The following PCDH11X variants were observed in gnomAD, a reference collection of about 807,000 sequenced individuals.
PCDH11X encodes protocadherin 11 X-linked.
Under a neutral mutation model 53.3 loss-of-function variants are expected in PCDH11X, and 18 were observed. The ratio of observed to expected loss-of-function variants is 0.34; its 90% CI spans 0.23 to 0.50. The LOEUF (loss-of-function observed/expected upper bound fraction) is 0.50, where lower values mean the gene tolerates loss of function less well. PCDH11X is among the 20% of genes least tolerant of loss of function. The pLI is 0.98. For synonymous variants in PCDH11X, 279 were observed against 393.3 expected, an observed-to-expected ratio of 0.71 and a Z score of 3.44; for missense variants, 570 against 1,032.4, an observed-to-expected ratio of 0.55 and a Z score of 6.14.
At chrX:92,563,903 A>G (rs1472908779) in intron 10 of PCDH11X, among the ~76,000 whole-genome samples, 1 of 111,104 alleles carries the variant, frequency 9.0e-6, no homozygotes, top group African/African-American at 3.3e-5. Context: ...AACTACTAGA[A>G]CTGATAAACA....
intron 6 of PCDH11X, among the ~76,000 whole-genome samples, chrX:92,050,423 C>T (rs1012277556): frequency 6.4e-5 from 7 of 109,754 alleles, no homozygotes; most frequent in Admixed American, 3.9e-4. Context: ...TGTTTTGATG[C>T]TGTTCATTTA....
chrX:91,990,662 G>T (rs1411611664), intron 6 of PCDH11X, among the ~76,000 whole-genome samples: 1 of 108,685 alleles, frequency 9.2e-6, no homozygotes, highest in Non-Finnish European at 1.9e-5. Context: ...CAGGGATAGC[G>T]GAAATCCCAA....
intron 10 of PCDH11X, among the ~76,000 whole-genome samples, chrX:92,588,406 ATGTT>A (rs1332666997): frequency 9.6e-6 from 1 of 104,487 alleles, no homozygotes; most frequent in Non-Finnish European, 1.9e-5. Context: ...GTACATATAT[ATGTT>A]TGTGTGTGTA....
intron 9 of PCDH11X, among the ~76,000 whole-genome samples, chrX:92,442,532 G>A (rs2072537974): frequency 8.9e-6 from 1 of 111,782 alleles, no homozygotes; most frequent in Admixed American, 9.5e-5. Context: ...CACGTAAGAT[G>A]TGATGTGCAC....
At chrX:92,403,447 A>G (rs184695401) in intron 9 of PCDH11X, among the ~76,000 whole-genome samples, 1 of 104,072 alleles carries the variant, frequency 9.6e-6, no homozygotes, top group Non-Finnish European at 1.9e-5. Flanking sequence ...CAAGTTGTAA[A>G]TATCTCGTTT....
intron 7 of PCDH11X, among the ~76,000 whole-genome samples, chrX:92,217,862 C>A (rs1459147706): frequency 9.0e-6 from 1 of 110,828 alleles, no homozygotes; most frequent in Non-Finnish European, 1.9e-5. Context: ...TCTCTCAGAC[C>A]AAAGTGCAAT....
At chrX:92,041,954 G>C (rs34083952) in intron 6 of PCDH11X, among the ~76,000 whole-genome samples, 1 of 112,260 alleles carries the variant, frequency 8.9e-6, no homozygotes, top group Non-Finnish European at 1.9e-5. Flanking sequence ...GGGTGACAGA[G>C]CGAGACTCCG....
chrX:92,183,986 T>A (rs1167321491), intron 6 of PCDH11X, among the ~76,000 whole-genome samples: 1 of 111,913 alleles, frequency 8.9e-6, no homozygotes, highest in South Asian at 3.7e-4. Context: ...GACTATTTTT[T>A]TTTTTTGTTT....
chrX:91,825,120 G>A (rs1342392573), intron 4 of PCDH11X, among the ~76,000 whole-genome samples: 1 of 110,970 alleles, frequency 9.0e-6, no homozygotes, highest in African/African-American at 3.4e-5. Context: ...GGTTACTGCT[G>A]TCTTTTTGTT....
At chrX:91,808,312 C>T (rs1293372983) in intron 1 of PCDH11X, among the ~76,000 whole-genome samples, 3 of 107,459 alleles carry the variant, frequency 2.8e-5, no homozygotes, top group African/African-American at 1.0e-4. Context: ...CTGGCCAACA[C>T]GGTGAAACCC....
At chrX:92,187,806 T>A (rs1350800937) in intron 6 of PCDH11X, among the ~76,000 whole-genome samples, 1 of 112,107 alleles carries the variant, frequency 8.9e-6, no homozygotes, top group Non-Finnish European at 1.9e-5. Flanking sequence ...TTTTATTTGC[T>A]CTAAACCTTG....
rs1268201997 is a variant in PCDH11X, at chrX:91,813,564, T to C, written c.-45+2269T>C. Among the ~76,000 whole-genome samples the C allele has an allele frequency of 2.8e-5, 3 of 106,006 alleles. No individual in the cohort carries two copies. The Admixed American group carries it at 3.0e-4, about 11-fold the overall frequency. The allele number at this position is 106,006 out of a possible 115,157, so 92.1% of individuals were successfully genotyped here. A position where few individuals can be genotyped will look rare whatever the true frequency, so the allele number is the denominator to read the frequency against. On this transcript the variant is annotated intron_variant, in intron 4 of 10. Transcript: ENST00000682573. ...GAGAAAGATATTTCTTAGAAGCAGC[T>C]AATTGAGGACCTTGAATGCTAGGCC...
chrX:92,024,590 A>G (rs1441416541), intron 6 of PCDH11X, among the ~76,000 whole-genome samples: 1 of 108,793 alleles, frequency 9.2e-6, no homozygotes, highest in Non-Finnish European at 1.9e-5. Flanking sequence ...CATACTGCCC[A>G]AAGTAATCTA....
At chrX:92,101,838 A>G (rs1236168386) in intron 6 of PCDH11X, among the ~76,000 whole-genome samples, 3 of 110,955 alleles carry the variant, frequency 2.7e-5, no homozygotes, top group Non-Finnish European at 5.7e-5. Context: ...GAGGAGTAGT[A>G]GAATAGCAGA....
chrX:92,400,115 G>A (rs1439249758), intron 9 of PCDH11X, among the ~76,000 whole-genome samples: 1 of 106,555 alleles, frequency 9.4e-6, no homozygotes. Context: ...TGTCATCTAG[G>A]TGAATATAAA....
At chrX:91,975,574 G>A (rs1257083006) in intron 6 of PCDH11X, among the ~76,000 whole-genome samples, 1 of 110,512 alleles carries the variant, frequency 9.0e-6, no homozygotes, top group Non-Finnish European at 1.9e-5. Flanking sequence ...CAAAAGGGAA[G>A]AAACCTTAGA....
chrX:92,172,110 C>A (rs1466788166), intron 6 of PCDH11X, among the ~76,000 whole-genome samples: 1 of 109,278 alleles, frequency 9.2e-6, no homozygotes, highest in East Asian at 2.9e-4. Flanking sequence ...TCTTCCTTTG[C>A]AATATGGATG....
At chrX:92,021,129 T>G in intron 6 of PCDH11X, among the ~76,000 whole-genome samples, 1 of 110,528 alleles carries the variant, frequency 9.0e-6, no homozygotes, top group Middle Eastern at 4.8e-3. Context: ...GTGTACCTCT[T>G]CTCCAAATGA....
intron 10 of PCDH11X, among the ~76,000 whole-genome samples, chrX:92,594,531 T>G (rs1238998053): frequency 9.2e-6 from 1 of 108,807 alleles, no homozygotes; most frequent in Non-Finnish European, 1.9e-5. Context: ...ATGATTGTTA[T>G]GTTATTATGT....
Sources: allele counts gnomAD v4.1 joint callset (sites outside exome capture counted in the v4.1 genomes callset), GRCh38; gene constraint gnomAD v4.1.1; transcripts MANE v1.5; gene names NCBI Gene and HGNC (gene_info 2026-07-23, HGNC 2026-07-21).